Variants in THRB observed in about 807,000 individuals in gnomAD.
THRB encodes the protein thyroid hormone receptor beta.
A neutral mutation model predicts 47.8 loss-of-function variants in THRB; 12 were observed. That is an observed-to-expected ratio of 0.25 (90% CI 0.16 to 0.41). THRB has a LOEUF of 0.41. Ranked by LOEUF, THRB falls within the 10% of genes least tolerant of loss-of-function variation. The pLI, the probability that THRB is intolerant of heterozygous loss-of-function variation, is 1.00. For synonymous variants in THRB, 218 were observed against 212.2 expected (o/e 1.03, Z -0.24); for missense variants, 348 against 589.2 (o/e 0.59, Z 4.24).
rs776128625 is a variant in THRB, at chr3:24,122,614, G to C, written c.*270C>G. 3 of 491,868 alleles carry C rather than the reference G, an allele frequency of 6.1e-6. No homozygotes were observed. Among genetic ancestry groups the C allele is most frequent in the Non-Finnish European group, 1.1e-5 (3 of 269,636 alleles). The allele number at this position is 491,868 out of a possible 1,614,324, so 30.5% of individuals were successfully genotyped here. ...CGGGTGGGAGCTGGTGATGCTTGGTGCTGGTGAGTTAATGATTGTCCCCCA... is the reference window on the plus strand; with the variant it reads ...CGGGTGGGAGCTGGTGATGCTTGGTCCTGGTGAGTTAATGATTGTCCCCCA... On this transcript the variant is annotated 3_prime_UTR_variant, in exon 11 of 11. Transcript: ENST00000646209.
chr3:24,131,803 C>T (rs1319570330), intron 9 of THRB, among the ~76,000 whole-genome samples: 1 of 152,198 alleles, frequency 6.6e-6, no homozygotes, highest in Non-Finnish European at 1.5e-5. Flanking sequence ...ACGTCCCAGC[C>T]TCCAGAACTG....
chr3:24,408,320 G>A (rs7624363), intron 1 of THRB, among the ~76,000 whole-genome samples: 150,642 of 151,984 alleles, frequency 0.99, 74,683 homozygotes, highest in Non-Finnish European at 1. Flanking sequence ...CAGACATAAC[G>A]CTCTGAGAAG....
chr3:24,398,540 A>G (rs1333229777), intron 1 of THRB, among the ~76,000 whole-genome samples: 12 of 152,206 alleles, frequency 7.9e-5, no homozygotes, highest in Non-Finnish European at 1.6e-4. Context: ...ACCATCTCAC[A>G]CCAGTTAGAA....
At chr3:24,135,411 T>C (rs1188422717) in intron 8 of THRB, among the ~76,000 whole-genome samples, 2 of 152,186 alleles carry the variant, frequency 1.3e-5, no homozygotes, top group Non-Finnish European at 2.9e-5. Context: ...GTTTATTTTT[T>C]ACTTTATTTT....
chr3:24,488,936 T>C (rs948798739), intron 1 of THRB, among the ~76,000 whole-genome samples: 3 of 152,208 alleles, frequency 2.0e-5, no homozygotes, highest in Non-Finnish European at 4.4e-5. Context: ...ATTTTAAACA[T>C]ATCGATGGAT....
At chr3:24,194,728 C>T (rs1413441169) in intron 4 of THRB, among the ~76,000 whole-genome samples, 2 of 152,142 alleles carry the variant, frequency 1.3e-5, no homozygotes, top group Non-Finnish European at 2.9e-5. Context: ...CATCCTATCT[C>T]TGGATATTTC....
At chr3:24,184,862 A>G in intron 5 of THRB, among the ~76,000 whole-genome samples, 1 of 152,202 alleles carries the variant, frequency 6.6e-6, no homozygotes, top group East Asian at 1.9e-4. Context: ...TCCACCTTTT[A>G]AAATACTCAT....
At chr3:24,127,145 A>C (rs1198488358) in intron 10 of THRB, among the ~76,000 whole-genome samples, 1 of 152,206 alleles carries the variant, frequency 6.6e-6, no homozygotes, top group Non-Finnish European at 1.5e-5. Flanking sequence ...AACTTAACAC[A>C]CAATCGTGTG....
intron 1 of THRB, among the ~76,000 whole-genome samples, chr3:24,371,090 C>G (rs2064870394): frequency 1.3e-5 from 2 of 152,240 alleles, no homozygotes; most frequent in South Asian, 4.1e-4. Flanking sequence ...ATCTCCAAGA[C>G]AGTTCTGATT....
chr3:24,156,771 G>T (rs1443367292), intron 5 of THRB, among the ~76,000 whole-genome samples: 1 of 152,090 alleles, frequency 6.6e-6, no homozygotes, highest in Non-Finnish European at 1.5e-5. Flanking sequence ...TCACTCTTCT[G>T]ATTTTATACT....
intron 1 of THRB, among the ~76,000 whole-genome samples, chr3:24,371,917 T>A (rs185780186): frequency 3.3e-5 from 5 of 152,264 alleles, no homozygotes; most frequent in Admixed American, 2.0e-4. Context: ...AAGACGTGAG[T>A]GGCACTTATT....
At chr3:24,297,658 T>C (rs2056560791) in intron 2 of THRB, among the ~76,000 whole-genome samples, 1 of 152,244 alleles carries the variant, frequency 6.6e-6, no homozygotes, top group Non-Finnish European at 1.5e-5. Context: ...CCCTCACTGT[T>C]CTCGCCTGCT....
chr3:24,149,784 T>C (rs1278636023), intron 6 of THRB, among the ~76,000 whole-genome samples: 13 of 152,236 alleles, frequency 8.5e-5, no homozygotes, highest in Non-Finnish European at 1.9e-4. Flanking sequence ...AATTAACTCT[T>C]GGAAGTGGAC....
At chr3:24,420,353 C>T (rs550865373) in intron 1 of THRB, among the ~76,000 whole-genome samples, 5 of 151,908 alleles carry the variant, frequency 3.3e-5, no homozygotes, top group African/African-American at 1.2e-4. Flanking sequence ...CCAGCCCTGG[C>T]GGTGGGATTA....
At chr3:24,142,689 T>C (rs2035597623) in intron 8 of THRB, among the ~76,000 whole-genome samples, 1 of 152,228 alleles carries the variant, frequency 6.6e-6, no homozygotes, top group Admixed American at 6.5e-5. Context: ...GGGCACGTAG[T>C]CTTTCTAATG....
At chr3:24,479,379 C>T (rs1053947969) in intron 1 of THRB, among the ~76,000 whole-genome samples, 4 of 152,224 alleles carry the variant, frequency 2.6e-5, no homozygotes, top group East Asian at 1.9e-4. Context: ...CCGACCCCAA[C>T]AAATTATGTG....
chr3:24,285,760 T>C (rs2055212446), intron 3 of THRB, among the ~76,000 whole-genome samples: 1 of 152,192 alleles, frequency 6.6e-6, no homozygotes. Flanking sequence ...ATACCTATTC[T>C]TAACCTAGAG....
chr3:24,219,303 A>G (rs371994502), intron 4 of THRB, among the ~76,000 whole-genome samples: 66 of 152,282 alleles, frequency 4.3e-4, no homozygotes, highest in African/African-American at 1.6e-3. Context: ...CTCAAAAAAC[A>G]AAAACAAAAA....
chr3:24,389,823 A>C (rs1221848613), intron 1 of THRB, among the ~76,000 whole-genome samples: 1 of 152,154 alleles, frequency 6.6e-6, no homozygotes, highest in Non-Finnish European at 1.5e-5. Flanking sequence ...AGCAATAAGC[A>C]ATACTCAACA....
Sources: gnomAD v4.1 joint callset for allele counts (sites outside exome capture counted in the v4.1 genomes callset) on GRCh38, gnomAD v4.1.1 for gene constraint, MANE v1.5 for transcripts, NCBI Gene and HGNC (gene_info 2026-07-23, HGNC 2026-07-21) for gene names.